Variants in COMT observed in about 807,000 individuals in gnomAD.
COMT encodes catechol O-methyltransferase.
COMT carries 13 observed loss-of-function variants against 18.9 expected under a neutral mutation model. The ratio of observed to expected loss-of-function variants is 0.69; its 90% CI spans 0.45 to 1.09. The LOEUF (loss-of-function observed/expected upper bound fraction) is 1.09. Among genes scored for constraint, COMT ranks in the 50% least tolerant of loss-of-function variants. The probability of loss-of-function intolerance (pLI) is 0.00; values close to 1 mark genes in which losing one functional copy is unlikely to be tolerated. For synonymous variants in COMT, 150 were observed against 160.9 expected (o/e 0.93, Z 0.51); for missense variants, 329 against 361.8 (o/e 0.91, Z 0.73).
rs368878365 is a variant in COMT, at chr22:19,963,547, C to G, written c.290-19C>G. The G allele has an allele frequency of 5.3e-5, 86 of 1,609,868 alleles. 1 individual carries two copies. The highest frequency in any genetic ancestry group is 5.2e-4 in the Middle Eastern group (3 of 5,722). On this transcript the variant is annotated intron_variant, in intron 3 of 5. Transcript: ENST00000361682. The stretch of plus-strand genomic sequence containing the variant: ...TCTCCACCTGTGCTCACCTCTCCTC[C>G]GTCCCCAACCCTGCACAGGCAAGAT...
At chr22:19,948,565 C>T (rs562338081) in intron 1 of COMT, among the ~76,000 whole-genome samples, 27 of 151,946 alleles carry the variant, frequency 1.8e-4, no homozygotes, top group African/African-American at 3.6e-4. Flanking sequence ...AAGACTGAGG[C>T]GGGAGGATCA....
At chr22:19,964,394 G>A (rs1487634211) in intron 5 of COMT, 95 bp downstream of exon 5, 1 of 1,560,320 alleles carries the variant, frequency 6.4e-7, no homozygotes, top group South Asian at 1.1e-5. Context: ...TTCCAGTAGA[G>A]CCCTGTGTGG....
intron 1 of COMT, chr22:19,950,967 GA>G (rs1210186403): frequency 1.3e-5 from 2 of 152,234 alleles, no homozygotes; most frequent in African/African-American, 4.8e-5. Context: ...ACACAGAACA[GA>G]GGGGGCAAGA....
In COMT at chr22:19,968,516, A is replaced by AC. The variant is rs778615118; in HGVS notation, c.616-14dup. ...GGCACCTCTGACCCTCACCTCCCCC[A>AC]CCCCCCGGTCTGTTTGCAGGAATGT... On this transcript the variant is annotated intron_variant, in intron 5 of 5. Coordinates refer to ENST00000361682, the MANE Select transcript of COMT (RefSeq NM_000754.4). 3 of 1,598,466 alleles carry AC rather than the reference A, an allele frequency of 1.9e-6. No individual in the cohort carries two copies. Among genetic ancestry groups the AC allele is most frequent in the Non-Finnish European group, 1.7e-6 (2 of 1,170,122 alleles).
At chr22:19,946,361 G>T (rs1039824596) in intron 1 of COMT, among the ~76,000 whole-genome samples, 1 of 152,026 alleles carries the variant, frequency 6.6e-6, no homozygotes. Context: ...GGTAGCAGAC[G>T]CCTGTAATCC....
intron 5 of COMT, among the ~76,000 whole-genome samples, chr22:19,968,040 G>C (rs535897884): frequency 3.9e-4 from 59 of 152,272 alleles, no homozygotes; most frequent in Admixed American, 3.1e-3. Flanking sequence ...GGGATGTCCA[G>C]AACTGACCCC....
intron 5 of COMT, chr22:19,964,703 T>G: frequency 3.7e-6 from 2 of 536,016 alleles, no homozygotes; most frequent in Non-Finnish European, 6.7e-6. Context: ...AGAAAGCATG[T>G]GTCTCCTGCA....
In COMT at chr22:19,962,338, C is replaced by A. The variant is rs1601526514; in HGVS notation, c.1-189C>A. ...CACACCTGCTCTGTCTACCCGAGGG[C>A]ACCAGAGGGCACGAGAAGGCTGGCT... On this transcript the variant is annotated intron_variant, in intron 2 of 5. Transcript: ENST00000361682. 1 of 952,724 alleles carries A rather than the reference C, an allele frequency of 1.0e-6. No homozygotes were observed. The highest frequency in any genetic ancestry group is 1.6e-6 in the Non-Finnish European group (1 of 640,378). The allele number at this position is 952,724 out of a possible 1,614,324, so 59.0% of individuals were successfully genotyped here. A position where few individuals can be genotyped will look rare whatever the true frequency, so the allele number is the denominator to read the frequency against.
rs1942610910 is a variant in COMT at position 19,969,350 on chromosome 22, C to T, written c.*614C>T. 6.5e-6 allele frequency: 1 copy of T among 153,654 alleles called. No homozygotes were observed. Among genetic ancestry groups the T allele is most frequent in the African/African-American group, 2.4e-5 (1 of 41,446 alleles). The allele number at this position is 153,654 out of a possible 1,614,324, so 9.5% of individuals were successfully genotyped here. A position where few individuals can be genotyped will look rare whatever the true frequency, so the allele number is the denominator to read the frequency against. On this transcript the variant is annotated 3_prime_UTR_variant, in exon 6 of 6. Transcript: ENST00000361682. ...GTGGACCCCGCAGCAGCACCAGCCC[C>T]TCTGGGCCCCATGTGGCACAGAGTG...
chr22:19,953,936 C>A (rs1339825343), intron 1 of COMT, among the ~76,000 whole-genome samples: 3 of 152,174 alleles, frequency 2.0e-5, no homozygotes, highest in Non-Finnish European at 4.4e-5. Context: ...AGCGAATGTG[C>A]GACCACCATG....
At chr22:19,952,811 C>T (rs905673419) in intron 1 of COMT, among the ~76,000 whole-genome samples, 4 of 150,332 alleles carry the variant, frequency 2.7e-5, no homozygotes, top group Non-Finnish European at 4.4e-5. Flanking sequence ...ATTAGCTAGG[C>T]GTGGTGGTGT....
At chr22:19,942,598 A>G (rs737865) in intron 1 of COMT, among the ~76,000 whole-genome samples, 35,403 of 152,086 alleles carry the variant, frequency 0.23, 4,399 homozygotes, top group Middle Eastern at 0.34. Context: ...CCAGCCAGGG[A>G]TTTTTGTGTC....
chr22:19,964,759 C>A, intron 5 of COMT: 1 of 408,136 alleles, frequency 2.5e-6, no homozygotes, highest in Non-Finnish European at 4.6e-6. Flanking sequence ...CCAACCCAGC[C>A]CCACTGGCGA....
At chr22:19,955,837 C>T (rs1411985487) in intron 1 of COMT, among the ~76,000 whole-genome samples, 1 of 152,206 alleles carries the variant, frequency 6.6e-6, no homozygotes, top group Non-Finnish European at 1.5e-5. Context: ...TCACTGCAGC[C>T]GCATGTTGGC....
chr22:19,968,137 T>C (rs956381077), intron 5 of COMT, among the ~76,000 whole-genome samples: 1 of 152,184 alleles, frequency 6.6e-6, no homozygotes, highest in African/African-American at 2.4e-5. Context: ...CCAGGGACCA[T>C]ACCAGCAACC....
At chr22:19,963,360 A>G in intron 3 of COMT, 1 of 621,072 alleles carries the variant, frequency 1.6e-6, no homozygotes, top group Non-Finnish European at 2.8e-6. Flanking sequence ...GCGCGCTCAC[A>G]GTGGGGACCA....
At position 19,962,722 on chromosome 22, in the gene COMT, C is replaced by T. The variant is rs1404830108; in HGVS notation, c.196C>T (p.His66Tyr). 3 of 1,613,766 alleles carry T rather than the reference C, an allele frequency of 1.9e-6. No homozygotes were observed. Among genetic ancestry groups the T allele is most frequent in the Non-Finnish European group, 2.5e-6 (3 of 1,179,996 alleles). The stretch of plus-strand genomic sequence containing the variant: ...GCGCATCCTGAACCACGTGCTGCAG[C>T]ATGCGGAGCCCGGGAACGCACAGAG... ...EQRILNHVLQ[H>Y]AEPGNAQSVL... is the part of the protein sequence containing the mutation. The change falls in exon 3 of 6, where the codon CAT becomes TAT. Residue 66 changes from histidine to tyrosine, a missense_variant. Transcript: ENST00000361682.
chr22:19,959,971 AGAGTG>A (rs1569131348), intron 1 of COMT, among the ~76,000 whole-genome samples: 1 of 152,254 alleles, frequency 6.6e-6, no homozygotes, highest in Admixed American at 6.5e-5. Flanking sequence ...CCCAGCCTGC[AGAGTG>A]GAGTGGGCCG....
Position 19,967,775 on chromosome 22 carries a change from C to G in COMT, c.616-761C>G. The G allele has an allele frequency of 1.3e-5, 3 of 234,286 alleles. No homozygotes were observed. The South Asian group carries it at 1.5e-4, about 12-fold the overall frequency. 14.5% of individuals were successfully genotyped at this position (234,286 alleles called of 1,614,324 possible). On this transcript the variant is annotated intron_variant, in intron 5 of 5. Transcript: ENST00000361682. ...TGGGGTGTCCCTTGCCCTGGTAGGTCCTTCCTCCCCATAGGCAAACACTTC... is the reference window on the plus strand; with the variant it reads ...TGGGGTGTCCCTTGCCCTGGTAGGTGCTTCCTCCCCATAGGCAAACACTTC...
Sources: allele counts gnomAD v4.1 joint callset (sites outside exome capture counted in the v4.1 genomes callset), GRCh38; gene constraint gnomAD v4.1.1; transcripts MANE v1.5; gene names NCBI Gene and HGNC (gene_info 2026-07-23, HGNC 2026-07-21).